Variants in DAB1 observed in about 807,000 individuals in gnomAD.
DAB1 encodes the protein DAB adaptor protein 1, also known as disabled homolog 1.
Under a neutral mutation model 64.6 loss-of-function variants are expected in DAB1, and 15 were observed. That is an observed-to-expected ratio of 0.23 (90% CI 0.16 to 0.36). The LOEUF (loss-of-function observed/expected upper bound fraction) is 0.36. DAB1 is among the 10% of genes least tolerant of loss of function. The probability of loss-of-function intolerance (pLI) is 1.00; values close to 1 mark genes in which losing one functional copy is unlikely to be tolerated. For synonymous variants in DAB1, 235 were observed against 251.9 expected (o/e 0.93, Z 0.64); for missense variants, 596 against 706.7 (o/e 0.84, Z 1.78).
At chr1:57,715,807 A>C (rs1647077417) in intron 6 of DAB1, among the ~76,000 whole-genome samples, 1 of 152,260 alleles carries the variant, frequency 6.6e-6, no homozygotes, top group Non-Finnish European at 1.5e-5. Flanking sequence ...ATCGAAAGAT[A>C]GGCCACGTTC....
chr1:58,183,883 C>A (rs1656929455), intron 4 of DAB1, among the ~76,000 whole-genome samples: 1 of 150,674 alleles, frequency 6.6e-6, no homozygotes, highest in East Asian at 2.0e-4. Flanking sequence ...CTGTTAGATA[C>A]CCCTATTAAA....
rs575263382 is a variant in DAB1 at position 58,198,819 on chromosome 1, A to T, written n.310-48231T>A. Reference sequence around the variant, plus strand: ...TAGCTTGGATGAATTTAAAGGATACATGCTGGATGGCCATGCGCAGTGGCT... The same window carrying T: ...TAGCTTGGATGAATTTAAAGGATACTTGCTGGATGGCCATGCGCAGTGGCT... On this transcript the variant is annotated intron_variant and non_coding_transcript_variant, in intron 4 of 20. Coordinates refer to the DAB1 transcript ENST00000485760. Among the ~76,000 whole-genome samples, 5 of 152,290 alleles carry T rather than the reference A, an allele frequency of 3.3e-5. No homozygotes were observed. The South Asian group carries it at 8.3e-4, about 25-fold the overall frequency.
intron 6 of DAB1, among the ~76,000 whole-genome samples, chr1:57,739,041 TC>T (rs1203513209): frequency 1.1e-4 from 17 of 152,220 alleles, no homozygotes; most frequent in Non-Finnish European, 2.9e-5. Flanking sequence ...TAGCGCTGTC[TC>T]CTGAGCAGGA....
At chr1:57,971,320 G>T (rs1645791483) in intron 5 of DAB1, among the ~76,000 whole-genome samples, 1 of 152,170 alleles carries the variant, frequency 6.6e-6, no homozygotes, top group Non-Finnish European at 1.5e-5. Flanking sequence ...GAGCTGAAAT[G>T]GGCAGACTTC....
chr1:57,184,017 C>T (rs1279422364), intron 2 of DAB1, among the ~76,000 whole-genome samples: 1 of 152,220 alleles, frequency 6.6e-6, no homozygotes, highest in African/African-American at 2.4e-5. Context: ...AACTGGTGAG[C>T]TATAAAGCCA....
chr1:57,649,850 C>T (rs1001390149), intron 6 of DAB1, among the ~76,000 whole-genome samples: 8 of 152,100 alleles, frequency 5.3e-5, no homozygotes, highest in Admixed American at 2.0e-4. Context: ...GACCACTGTG[C>T]GTGTTAGGCA....
intron 5 of DAB1, among the ~76,000 whole-genome samples, chr1:58,104,571 C>T (rs1435570161): frequency 1.3e-5 from 2 of 152,276 alleles, no homozygotes; most frequent in South Asian, 2.1e-4. Context: ...GGAAGTGAGA[C>T]AGCCGGTTCA....
chr1:58,117,918 G>A (rs1289639390), intron 5 of DAB1, among the ~76,000 whole-genome samples: 8 of 150,386 alleles, frequency 5.3e-5, no homozygotes, highest in African/African-American at 1.2e-4. Flanking sequence ...TTCTTGGGGC[G>A]GGGGACAAGA....
chr1:58,363,269 C>T (rs949227448), intron 3 of DAB1, among the ~76,000 whole-genome samples: 2 of 152,074 alleles, frequency 1.3e-5, no homozygotes, highest in Non-Finnish European at 2.9e-5. Flanking sequence ...TCATCTAATC[C>T]AAATTTCTTA....
intron 5 of DAB1, among the ~76,000 whole-genome samples, chr1:58,088,705 G>A (rs1650463615): frequency 6.6e-6 from 1 of 152,110 alleles, no homozygotes; most frequent in South Asian, 2.1e-4. Flanking sequence ...ATCAACAAAT[G>A]TTTCCTGCAT....
In DAB1 at chr1:57,917,496, T is replaced by C. The variant is rs1644744915; in HGVS notation, n.388-33334A>G. 2.0e-5 allele frequency among the ~76,000 whole-genome samples: 3 copies of C among 152,230 alleles called. No homozygotes were observed. In the South Asian group the frequency reaches 6.2e-4, roughly 32 times the overall value. ...AGGGCTTTGAAAACTTCCAGAATCA[T>C]ATCTTCCTTTGAACTCGAACAGTAT... On this transcript the variant is annotated intron_variant and non_coding_transcript_variant, in intron 5 of 20. Transcript: ENST00000485760.
At chr1:58,097,677 A>G (rs1360448278) in intron 5 of DAB1, among the ~76,000 whole-genome samples, 1 of 152,176 alleles carries the variant, frequency 6.6e-6, no homozygotes, top group Non-Finnish European at 1.5e-5. Flanking sequence ...GGGAACCACA[A>G]GAAGCCAGTA....
intron 3 of DAB1, among the ~76,000 whole-genome samples, chr1:57,137,341 G>A (rs116104907): frequency 0.014 from 2,149 of 152,288 alleles, 47 homozygotes; most frequent in African/African-American, 0.043. Context: ...AGGTTGGGGT[G>A]TTACTTTGTC....
chr1:57,453,888 G>A (rs1686485312), intron 7 of DAB1, among the ~76,000 whole-genome samples: 1 of 152,070 alleles, frequency 6.6e-6, no homozygotes, highest in Non-Finnish European at 1.5e-5. Flanking sequence ...AAAGAAGAAA[G>A]ACAAAATCCT....
At chr1:57,553,406 G>GAA (rs759455637) in intron 7 of DAB1, among the ~76,000 whole-genome samples, 2,745 of 15,676 alleles carry the variant, frequency 0.18, 278 homozygotes, top group Middle Eastern at 0.4. Context: ...AAGAAAGAAA[G>GAA]AAAGAAAGAA....
intron 5 of DAB1, among the ~76,000 whole-genome samples, chr1:58,127,378 G>T (rs1374276258): frequency 6.6e-6 from 1 of 151,768 alleles, no homozygotes; most frequent in Non-Finnish European, 1.5e-5. Context: ...CAGATGAGTA[G>T]GTTGCGAAAA....
chr1:57,021,709 G>T (rs904243898), intron 11 of DAB1, among the ~76,000 whole-genome samples: 9 of 152,166 alleles, frequency 5.9e-5, no homozygotes, highest in African/African-American at 1.9e-4. Context: ...CACCCAGGCA[G>T]GTCCTCAGCG....
chr1:57,656,763 CT>C (rs1255310222), intron 6 of DAB1, among the ~76,000 whole-genome samples: 2 of 152,138 alleles, frequency 1.3e-5, no homozygotes, highest in African/African-American at 4.8e-5. Context: ...GTTTTTACAT[CT>C]TTGTTGGTTT....
chr1:58,074,594 A>ATATATATATATATATATATATATATT, intron 5 of DAB1, among the ~76,000 whole-genome samples: 1 of 112,378 alleles, frequency 8.9e-6, no homozygotes. Flanking sequence ...ATATATATAT[A>ATATATATATATATATATATATATATT]TTTGAGAAAC....
Sources: allele counts gnomAD v4.1 joint callset (sites outside exome capture counted in the v4.1 genomes callset), GRCh38; gene constraint gnomAD v4.1.1; transcripts MANE v1.5; gene names NCBI Gene and HGNC (gene_info 2026-07-23, HGNC 2026-07-21).